Variants in TAOK3 observed in about 807,000 individuals in gnomAD.
TAOK3 encodes serine/threonine-protein kinase TAO3.
TAOK3 carries 40 observed loss-of-function variants against 120.4 expected under a neutral mutation model. The ratio of observed to expected loss-of-function variants is 0.33; its 90% CI spans 0.26 to 0.43. The LOEUF (loss-of-function observed/expected upper bound fraction) is 0.43, where lower values mean the gene tolerates loss of function less well. Ranked by LOEUF, TAOK3 falls within the 20% of genes least tolerant of loss-of-function variation. The pLI, the probability that TAOK3 is intolerant of heterozygous loss-of-function variation, is 1.00. For missense variants in TAOK3, 821 were observed against 1,112.1 expected (o/e 0.74, Z 3.72); for synonymous variants, 355 against 387.5 (o/e 0.92, Z 0.99).
At chr12:118,299,548 C>G (rs2042801160) in intron 1 of TAOK3, among the ~76,000 whole-genome samples, 1 of 152,124 alleles carries the variant, frequency 6.6e-6, no homozygotes, top group Non-Finnish European at 1.5e-5. Context: ...CTCGCTTTGT[C>G]ACCCAGGATG....
chr12:118,301,368 G>C (rs2140701982), intron 1 of TAOK3, among the ~76,000 whole-genome samples: 1 of 152,224 alleles, frequency 6.6e-6, no homozygotes. Context: ...GGTATACAGG[G>C]AACTTGATAA....
intron 3 of TAOK3, chr12:118,246,020 A>G: frequency 3.0e-6 from 2 of 669,040 alleles, no homozygotes; most frequent in Middle Eastern, 4.2e-4. Context: ...CAAAATAGTA[A>G]TAATGTGAGT....
intron 14 of TAOK3, among the ~76,000 whole-genome samples, 179 bp downstream of exon 14, chr12:118,189,628 T>G (rs768340230): frequency 6.9e-6 from 1 of 145,468 alleles, no homozygotes. Context: ...ATATCTGAAA[T>G]CAGGTTGCTA....
chr12:118,187,813 A>G (rs970002939), intron 14 of TAOK3, among the ~76,000 whole-genome samples: 3 of 152,190 alleles, frequency 2.0e-5, no homozygotes, highest in Non-Finnish European at 4.4e-5. Context: ...TTCATTAGAG[A>G]GACTGGTTGC....
At chr12:118,245,624 T>C (rs1433322213) in intron 3 of TAOK3, among the ~76,000 whole-genome samples, 1 of 152,146 alleles carries the variant, frequency 6.6e-6, no homozygotes, top group Non-Finnish European at 1.5e-5. Flanking sequence ...GGCCTCATAT[T>C]ATATTTAAAA....
chr12:118,180,499 C>G (rs2036644708), intron 15 of TAOK3, among the ~76,000 whole-genome samples: 1 of 152,142 alleles, frequency 6.6e-6, no homozygotes, highest in East Asian at 1.9e-4. Flanking sequence ...CCTTGGCCTC[C>G]CAAAGTGCTG....
At chr12:118,233,884 T>A (rs1365544199) in intron 8 of TAOK3, 119 bp from the exon 9 acceptor site, 1 of 660,118 alleles carries the variant, frequency 1.5e-6, no homozygotes, top group Non-Finnish European at 2.7e-6. Flanking sequence ...GATATAGATA[T>A]TATTTCCTTA....
chr12:118,337,925 A>T (rs549953838), intron 1 of TAOK3, among the ~76,000 whole-genome samples: 1 of 152,322 alleles, frequency 6.6e-6, no homozygotes, highest in Admixed American at 6.5e-5. Context: ...AAGGATGGGG[A>T]ACTGTATCAA....
At chr12:118,313,810 G>A (rs2043349808) in intron 1 of TAOK3, among the ~76,000 whole-genome samples, 1 of 152,072 alleles carries the variant, frequency 6.6e-6, no homozygotes, top group African/African-American at 2.4e-5. Flanking sequence ...AAATCAAACT[G>A]GAATAAGTAA....
intron 1 of TAOK3, among the ~76,000 whole-genome samples, chr12:118,331,416 A>G (rs1379407466): frequency 6.6e-6 from 1 of 152,076 alleles, no homozygotes. Flanking sequence ...AGGCCGAGGT[A>G]GGTGGATCGC....
intron 1 of TAOK3, among the ~76,000 whole-genome samples, chr12:118,282,618 G>A (rs976356317): frequency 6.6e-6 from 1 of 152,126 alleles, no homozygotes; most frequent in African/African-American, 2.4e-5. Flanking sequence ...GAATGAATTG[G>A]GAAGCTCAAA....
chr12:118,302,869 C>T (rs1381509752), intron 1 of TAOK3, among the ~76,000 whole-genome samples: 1 of 152,054 alleles, frequency 6.6e-6, no homozygotes, highest in Non-Finnish European at 1.5e-5. Context: ...TCCAATATCA[C>T]GACTACCATT....
At position 118,226,406 on chromosome 12, in the gene TAOK3, C is replaced by A. The variant is rs61945184; in HGVS notation, c.643+7268G>T. Among the ~76,000 whole-genome samples the A allele has an allele frequency of 1.3e-5, 2 of 151,574 alleles. 1 individual carries two copies. Among genetic ancestry groups the A allele is most frequent in the Admixed American group, 1.3e-4 (2 of 15,214 alleles). On this transcript the variant is annotated intron_variant, in intron 9 of 20. Transcript: ENST00000392533. ...AAAATTAGCCGGGCGTGGTGGCAGG[C>A]GCCTGTAGTACCAGCTATTCGGGAG...
At chr12:118,347,123 C>A (rs1280607055) in intron 1 of TAOK3, among the ~76,000 whole-genome samples, 1 of 152,150 alleles carries the variant, frequency 6.6e-6, no homozygotes, top group African/African-American at 2.4e-5. Context: ...TCCACCTCAG[C>A]CTCCTGAGTA....
In TAOK3 at chr12:118,238,164, T is replaced by C; in HGVS notation, c.346A>G (p.Lys116Glu). The change falls in exon 7 of 21, where the codon AAA becomes GAA. Residue 116 changes from lysine (K) to glutamate (E), a missense_variant. Transcript: ENST00000392533. ...GSASDLLEVH[K>E]KPLQEVEIAA... ...ATCTCCACTTCCTGAAGTGGTTTTTTATGAACTGAGGAAGGAAAAAAAAAA... is the reference window on the plus strand; with the variant it reads ...ATCTCCACTTCCTGAAGTGGTTTTTCATGAACTGAGGAAGGAAAAAAAAAA... The C allele has an allele frequency of 1.2e-6, 2 of 1,607,046 alleles. No homozygotes were observed. Among genetic ancestry groups the C allele is most frequent in the Non-Finnish European group, 1.7e-6 (2 of 1,176,246 alleles).
intron 7 of TAOK3, among the ~76,000 whole-genome samples, chr12:118,237,584 C>G (rs895189961): frequency 2.6e-5 from 4 of 152,052 alleles, no homozygotes; most frequent in African/African-American, 9.7e-5. Flanking sequence ...GAGCCCTGGT[C>G]TCTTCATATG....
At chr12:118,291,166 T>G (rs2042463803) in intron 1 of TAOK3, among the ~76,000 whole-genome samples, 1 of 151,108 alleles carries the variant, frequency 6.6e-6, no homozygotes, top group African/African-American at 2.4e-5. Context: ...GGGTTTTTAC[T>G]TTTTTTTGAG....
intron 1 of TAOK3, among the ~76,000 whole-genome samples, chr12:118,272,697 G>A (rs2041759234): frequency 6.6e-6 from 1 of 152,158 alleles, no homozygotes; most frequent in South Asian, 2.1e-4. Flanking sequence ...CTGGCCAGGT[G>A]CAGTGGCTCA....
chr12:118,214,223 T>C, intron 9 of TAOK3, 113 bp from the exon 10 acceptor site: 4 of 744,542 alleles, frequency 5.4e-6, no homozygotes, highest in Non-Finnish European at 6.5e-6. Flanking sequence ...ATTACTGTCA[T>C]CATGCCACAT....
Sources: gnomAD v4.1 joint callset for allele counts (sites outside exome capture counted in the v4.1 genomes callset) on GRCh38, gnomAD v4.1.1 for gene constraint, MANE v1.5 for transcripts, NCBI Gene and HGNC (gene_info 2026-07-23, HGNC 2026-07-21) for gene names.